The following SDHA variants were observed in gnomAD, a reference collection of about 807,000 sequenced individuals.
SDHA encodes the protein succinate dehydrogenase [ubiquinone] flavoprotein subunit, mitochondrial.
Under a neutral mutation model 78.4 loss-of-function variants are expected in SDHA, and 48 were observed. That is an observed-to-expected ratio of 0.61 (90% CI 0.49 to 0.78). The LOEUF is 0.78. SDHA is among the 30% of genes least tolerant of loss of function. SDHA has a pLI of 0.00. For missense variants in SDHA, 680 were observed against 892.7 expected (o/e 0.76, Z 3.04); for synonymous variants, 326 against 353.9 (o/e 0.92, Z 0.88).
intron 7 of SDHA, among the ~76,000 whole-genome samples, chr5:232,183 A>G (rs1735448070): frequency 6.6e-6 from 1 of 152,144 alleles, no homozygotes; most frequent in Non-Finnish European, 1.5e-5. Flanking sequence ...GGAAGGGATG[A>G]AAATAAGAAA....
chr5:258,774 C>G (rs192197), downstream of SDHA, among the ~76,000 whole-genome samples: 27 of 72,496 alleles, frequency 3.7e-4, no homozygotes, highest in South Asian at 9.6e-4. Flanking sequence ...CCCCCCGCCA[C>G]AGCATTACCG....
At chr5:263,308 G>A in the SDHA span, among the ~76,000 whole-genome samples, 2 of 152,108 alleles carry the variant, frequency 1.3e-5, no homozygotes, top group Admixed American at 6.6e-5. Context: ...TTTTTTGGCA[G>A]TGCACAGCCA....
chr5:238,833 C>G (rs1458133326), intron 10 of SDHA, among the ~76,000 whole-genome samples: 3 of 151,738 alleles, frequency 2.0e-5, no homozygotes, highest in Non-Finnish European at 4.4e-5. Flanking sequence ...GTGGCTCACA[C>G]CTATGTAGTC....
intron 12 of SDHA, 40 bp downstream of exon 12, chr5:251,143 T>G (rs753778472): frequency 1.8e-5 from 29 of 1,591,248 alleles, no homozygotes; most frequent in Admixed American, 5.0e-5. Flanking sequence ...GTTGGGCCCT[T>G]CCTTCTGCAG....
chr5:218,537 G>C (rs1454966898), intron 1 of SDHA, 119 bp downstream of exon 1: 3 of 772,852 alleles, frequency 3.9e-6, no homozygotes, highest in Non-Finnish European at 3.6e-6. Flanking sequence ...CTCTGTCCCG[G>C]GATCGGGAAG....
rs1736764806 is a variant in SDHA at position 250,737 on chromosome 5, C to G, written c.1552-255C>G. ...GTCTGCTTGGAGTCCTGGACCCTGG[C>G]TGTATCCTGCTGGAAAGGATGTGTG... On this transcript the variant is annotated intron_variant, in intron 11 of 14. Transcript: ENST00000264932. The G allele has an allele frequency of 1.8e-5, 8 of 446,276 alleles. No homozygotes were observed. In the East Asian group the frequency reaches 3.3e-4, roughly 18 times the overall value. 27.6% of individuals were successfully genotyped at this position (446,276 alleles called of 1,614,324 possible). A position where few individuals can be genotyped will look rare whatever the true frequency, so the allele number is the denominator to read the frequency against.
intron 10 of SDHA, among the ~76,000 whole-genome samples, chr5:237,849 G>T (rs1253651197): frequency 7.3e-6 from 1 of 137,324 alleles, no homozygotes; most frequent in Non-Finnish European, 1.5e-5. Flanking sequence ...TCTGACCACC[G>T]CTCGGGAGGC....
intron 11 of SDHA, among the ~76,000 whole-genome samples, chr5:242,433 C>A (rs1424502363): frequency 2.6e-5 from 4 of 152,230 alleles, no homozygotes; most frequent in African/African-American, 7.2e-5. Context: ...GATAACTAGC[C>A]AGAGCCCATA....
Position 242,881 on chromosome 5 carries a change from G to A in SDHA, c.1551+2405G>A, listed in dbSNP as rs188081625. Among the ~76,000 whole-genome samples, 124 of 152,308 alleles carry A rather than the reference G, an allele frequency of 8.1e-4. 1 individual carries two copies. The highest frequency in any genetic ancestry group is 3.4e-3 in the Middle Eastern group (1 of 294). ...TAAGGGGGAAGGAGAGTATAACGAA[G>A]TAACAGAAGAAATTACAGAGCAGGT... On this transcript the variant is annotated intron_variant, in intron 11 of 14. Coordinates refer to ENST00000264932, the MANE Select transcript of SDHA (RefSeq NM_004168.4).
At chr5:221,850 A>C (rs947134418) in intron 1 of SDHA, among the ~76,000 whole-genome samples, 2 of 152,062 alleles carry the variant, frequency 1.3e-5, no homozygotes, top group African/African-American at 4.8e-5. Flanking sequence ...TAATTTGTTC[A>C]AGATTGTGTT....
chr5:263,606 T>C, the SDHA span, among the ~76,000 whole-genome samples: 1 of 152,190 alleles, frequency 6.6e-6, no homozygotes, highest in African/African-American at 2.4e-5. Context: ...CTTCTGTGCA[T>C]TACACCATAA....
chr5:237,489 C>T (rs192217869), intron 10 of SDHA, among the ~76,000 whole-genome samples: 1,624 of 132,966 alleles, frequency 0.012, 532 homozygotes, highest in African/African-American at 0.058. Context: ...GTGAGTCTTA[C>T]GTGCACTAAG....
chr5:259,279 C>T (rs1278362257), downstream of SDHA, among the ~76,000 whole-genome samples: 8 of 33,498 alleles, frequency 2.4e-4, no homozygotes, highest in Non-Finnish European at 3.8e-4. Context: ...CCGCCTCCCG[C>T]CAGAGCATTA....
rs1200591418 is a variant in SDHA at position 225,883 on chromosome 5, C to A, written c.457C>A (p.Leu153Ile). 4 of 1,612,572 alleles carry A rather than the reference C, an allele frequency of 2.5e-6. No homozygotes were observed. The South Asian group carries it at 3.3e-5, about 13-fold the overall frequency. The part of the protein sequence containing the change: ...TEQAPAAVVE[L>I]ENYGMPFSRT... Reference sequence around the variant, plus strand: ...TTTTGTTTGTTTTTATCTTTCACAGCTAGAAAATTATGGCATGCCGTTTAG... The same window carrying A: ...TTTTGTTTGTTTTTATCTTTCACAGATAGAAAATTATGGCATGCCGTTTAG... The change falls in exon 5 of 15, where the codon CTA becomes ATA. Residue 153 changes from leucine (L) to isoleucine (I), a missense_variant and splice_region_variant. By Grantham distance (5) the Leu-to-Ile change is conservative (BLOSUM62 2). Coordinates refer to ENST00000264932, the MANE Select transcript of SDHA (RefSeq NM_004168.4).
At chr5:232,173 G>C (rs1297954998) in intron 7 of SDHA, among the ~76,000 whole-genome samples, 2 of 152,096 alleles carry the variant, frequency 1.3e-5, no homozygotes, top group Non-Finnish European at 2.9e-5. Context: ...TCTGATCCCT[G>C]GAAGGGATGA....
chr5:225,426 T>C lies in SDHA; in HGVS notation c.320T>C (p.Ile107Thr). ...RSHTVAAQGG[I>T]NAALGNMEED... ...AGTGGTTGGTGTTTCCAGGGAGGAATCAATGCTGCTCTGGGGAACATGGAG... is the reference window on the plus strand; with the variant it reads ...AGTGGTTGGTGTTTCCAGGGAGGAACCAATGCTGCTCTGGGGAACATGGAG... Residue 107 changes from isoleucine (I) to threonine (T), a missense_variant, in exon 4 of 15, where the codon ATC becomes ACC. Coordinates refer to ENST00000264932, the MANE Select transcript of SDHA (RefSeq NM_004168.4). The C allele has an allele frequency of 6.2e-7, 1 of 1,612,442 alleles. No individual in the cohort carries two copies. Among genetic ancestry groups the C allele is most frequent in the Non-Finnish European group, 8.5e-7 (1 of 1,179,860 alleles).
intron 10 of SDHA, among the ~76,000 whole-genome samples, chr5:238,450 T>G (rs1199691318): frequency 1.3e-5 from 2 of 151,364 alleles, no homozygotes; most frequent in Non-Finnish European, 2.9e-5. Flanking sequence ...TATATGTATT[T>G]TTTTTTTTTA....
At chr5:263,097 G>C in the SDHA span, among the ~76,000 whole-genome samples, 1 of 151,902 alleles carries the variant, frequency 6.6e-6, no homozygotes, top group Non-Finnish European at 1.5e-5. Flanking sequence ...GAGCCACCAT[G>C]CCTGGCTAAT....
At chr5:240,553 C>G (rs2126603404) in intron 11 of SDHA, 77 bp downstream of exon 11, 1 of 944,078 alleles carries the variant, frequency 1.1e-6, no homozygotes, top group Non-Finnish European at 1.7e-6. Context: ...TTTTTAAAAA[C>G]TAGATCTAGG....
Sources: gnomAD v4.1 joint callset for allele counts (sites outside exome capture counted in the v4.1 genomes callset) on GRCh38, gnomAD v4.1.1 for gene constraint, MANE v1.5 for transcripts, NCBI Gene and HGNC (gene_info 2026-07-23, HGNC 2026-07-21) for gene names.